DLG2: variants seen among roughly 807,000 people sequenced by gnomAD.
DLG2 encodes the protein discs large MAGUK scaffold protein 2.
A neutral mutation model predicts 132.5 loss-of-function variants in DLG2; 45 were observed. The observed-to-expected ratio is 0.34, with a 90% CI of 0.27 to 0.44. DLG2 has a LOEUF of 0.44. Ranked by LOEUF, DLG2 falls within the 20% of genes least tolerant of loss-of-function variation. The probability of loss-of-function intolerance (pLI) is 1.00; values close to 1 mark genes in which losing one functional copy is unlikely to be tolerated. For synonymous variants in DLG2, 424 were observed against 419.6 expected, an observed-to-expected ratio of 1.01 and a Z score of -0.13; for missense variants, 1,045 against 1,196.9, an observed-to-expected ratio of 0.87 and a Z score of 1.87.
At chr11:85,118,702 T>C (rs941578647) in intron 5 of DLG2, among the ~76,000 whole-genome samples, 1 of 151,924 alleles carries the variant, frequency 6.6e-6, no homozygotes, top group African/African-American at 2.4e-5. Flanking sequence ...TAACCCTAGA[T>C]AGTAGAGGAG....
At chr11:84,630,333 C>A (rs188557318) in intron 6 of DLG2, among the ~76,000 whole-genome samples, 68 of 152,262 alleles carry the variant, frequency 4.5e-4, no homozygotes, top group Middle Eastern at 3.4e-3. Context: ...TGTTTTCATC[C>A]TGAGGTTAGG....
At chr11:84,827,012 A>AT (rs35510436) in intron 6 of DLG2, among the ~76,000 whole-genome samples, 5 of 151,836 alleles carry the variant, frequency 3.3e-5, no homozygotes, top group African/African-American at 7.2e-5. Flanking sequence ...ACAAAACTCA[A>AT]TTTTTTTACT....
At chr11:83,991,595 T>C (rs1033225353) in intron 11 of DLG2, among the ~76,000 whole-genome samples, 6 of 152,148 alleles carry the variant, frequency 3.9e-5, no homozygotes, top group African/African-American at 1.4e-4. Flanking sequence ...TTTCTTCTTT[T>C]ATGGATTTGG....
intron 6 of DLG2, among the ~76,000 whole-genome samples, chr11:84,802,490 C>T (rs965119152): frequency 1.3e-5 from 2 of 152,034 alleles, no homozygotes; most frequent in African/African-American, 4.8e-5. Context: ...GAAGTGTTGA[C>T]TGACAGGAGC....
At chr11:85,248,022 A>G (rs575364535) in intron 4 of DLG2, among the ~76,000 whole-genome samples, 13 of 152,128 alleles carry the variant, frequency 8.5e-5, no homozygotes, top group Middle Eastern at 3.4e-3. Flanking sequence ...GAAAACCACT[A>G]TATTATTGCC....
intron 6 of DLG2, among the ~76,000 whole-genome samples, chr11:85,057,842 G>GA (rs1179549110): frequency 2.0e-5 from 3 of 150,626 alleles, no homozygotes; most frequent in South Asian, 4.2e-4. Context: ...AGACAAAAAG[G>GA]AAAAAAAATA....
chr11:84,169,113 T>C (rs2095750824), intron 8 of DLG2, among the ~76,000 whole-genome samples: 1 of 152,186 alleles, frequency 6.6e-6, no homozygotes, highest in South Asian at 2.1e-4. Context: ...AATTTCTTTA[T>C]GTGAAGAATA....
intron 6 of DLG2, among the ~76,000 whole-genome samples, chr11:84,903,059 ACCCAGGCCAT>A (rs67676430): frequency 0.47 from 70,599 of 151,626 alleles, 17,057 homozygotes; most frequent in South Asian, 0.61. Context: ...CTGATTCCAT[ACCCAGGCCAT>A]CTTCCAACTC....
chr11:84,075,993 T>TGG (rs1245771908), intron 10 of DLG2, among the ~76,000 whole-genome samples: 2 of 152,182 alleles, frequency 1.3e-5, no homozygotes, highest in African/African-American at 4.8e-5. Flanking sequence ...CTGAGGATGG[T>TGG]GGCATAAAGG....
intron 6 of DLG2, among the ~76,000 whole-genome samples, chr11:84,633,254 C>T (rs1460217255): frequency 6.6e-6 from 1 of 152,108 alleles, no homozygotes; most frequent in Non-Finnish European, 1.5e-5. Flanking sequence ...TGATCTGGTC[C>T]TTTCCTACCT....
intron 6 of DLG2, among the ~76,000 whole-genome samples, chr11:84,816,128 T>C (rs1425966085): frequency 2.0e-5 from 3 of 152,034 alleles, no homozygotes; most frequent in South Asian, 2.1e-4. Flanking sequence ...CATTTTAGAT[T>C]ACAAATGCAA....
At chr11:85,386,975 A>G (rs760293842) in intron 3 of DLG2, among the ~76,000 whole-genome samples, 8 of 151,114 alleles carry the variant, frequency 5.3e-5, no homozygotes, top group Non-Finnish European at 1.0e-4. Context: ...GCTCACTGCA[A>G]CTCCTGGGTT....
intron 6 of DLG2, among the ~76,000 whole-genome samples, chr11:84,888,783 C>A (rs1018824796): frequency 5.9e-5 from 9 of 152,110 alleles, no homozygotes; most frequent in Admixed American, 1.3e-4. Context: ...AGATGTCAAC[C>A]CATGTTGGCT....
intron 7 of DLG2, among the ~76,000 whole-genome samples, chr11:84,504,726 G>C (rs2099233457): frequency 6.6e-6 from 1 of 151,990 alleles, no homozygotes; most frequent in Admixed American, 6.5e-5. Context: ...AGAAATACAA[G>C]TAATGACCCA....
At chr11:84,331,153 C>T (rs913883747) in intron 7 of DLG2, among the ~76,000 whole-genome samples, 3 of 152,140 alleles carry the variant, frequency 2.0e-5, no homozygotes, top group African/African-American at 7.2e-5. Flanking sequence ...ATGTATACTC[C>T]ATTTCTTCTG....
At chr11:85,570,576 A>C (rs1158681888) in intron 3 of DLG2, among the ~76,000 whole-genome samples, 1 of 142,872 alleles carries the variant, frequency 7.0e-6, no homozygotes, top group Non-Finnish European at 1.6e-5. Context: ...AGTTTACTCT[A>C]CTTGGGGTAT....
At position 84,865,928 on chromosome 11, in the gene DLG2, C is replaced by T. The variant is rs574092748; in HGVS notation, c.357+245733G>A. Among the ~76,000 whole-genome samples, 8 of 152,316 alleles carry T rather than the reference C, an allele frequency of 5.3e-5. No individual in the cohort carries two copies. The South Asian group carries it at 1.7e-3, about 32-fold the overall frequency. ...AGCCTCACAAGGTATCCTTTGCCAA[C>T]CCCCTAAGGAGCAACCTTAGAATCT... On this transcript the variant is annotated intron_variant, in intron 6 of 27. Transcript: ENST00000376104.
intron 8 of DLG2, among the ~76,000 whole-genome samples, chr11:84,190,008 G>C (rs1043353259): frequency 6.6e-6 from 1 of 151,872 alleles, no homozygotes; most frequent in African/African-American, 2.4e-5. Flanking sequence ...AAAAAAGCTT[G>C]GAGACTAGTG....
intron 19 of DLG2, among the ~76,000 whole-genome samples, chr11:83,597,212 G>A (rs527749476): frequency 1.3e-5 from 2 of 152,288 alleles, no homozygotes; most frequent in East Asian, 3.9e-4. Flanking sequence ...CATGTCTCAT[G>A]AGCGGGATCA....
Sources: gnomAD v4.1 joint callset for allele counts (sites outside exome capture counted in the v4.1 genomes callset) on GRCh38, gnomAD v4.1.1 for gene constraint, MANE v1.5 for transcripts, NCBI Gene and HGNC (gene_info 2026-07-23, HGNC 2026-07-21) for gene names.